The following ARCN1 variants were observed in gnomAD, a reference collection of about 807,000 sequenced individuals.
ARCN1 encodes the protein coatomer subunit delta.
A neutral mutation model predicts 60.4 loss-of-function variants in ARCN1; 5 were observed. That is an observed-to-expected ratio of 0.08 (90% CI 0.04 to 0.17). The LOEUF (loss-of-function observed/expected upper bound fraction) is 0.17, where lower values mean the gene tolerates loss of function less well. Among genes scored for constraint, ARCN1 ranks in the 10% least tolerant of loss-of-function variants. The pLI is 1.00. For missense variants in ARCN1, 464 were observed against 626.5 expected (o/e 0.74, Z 2.77); for synonymous variants, 224 against 220.0 (o/e 1.02, Z -0.16).
chr11:118,600,319 A>T (rs1939120878), intron 9 of ARCN1, among the ~76,000 whole-genome samples: 2 of 152,190 alleles, frequency 1.3e-5, no homozygotes. Context: ...AATGTCTATG[A>T]ATTTCATAGG....
rs1939152560 is a variant in ARCN1, at chr11:118,601,708, G to A, written c.*994G>A. 1.4e-6 allele frequency: 1 copy of A among 702,822 alleles called. No homozygotes were observed. The allele number at this position is 702,822 out of a possible 1,614,324, so 43.5% of individuals were successfully genotyped here. On this transcript the variant is annotated 3_prime_UTR_variant, in exon 10 of 10. Coordinates refer to ENST00000264028, the MANE Select transcript of ARCN1 (RefSeq NM_001655.5). The stretch of plus-strand genomic sequence containing the variant: ...TCTTTGCCAAGTTGTTTTCCTTTCA[G>A]GGCCTGTCCTTCCAGTTTAGAACAG...
chr11:118,598,028 T>C, intron 9 of ARCN1, 117 bp downstream of exon 9: 1 of 894,234 alleles, frequency 1.1e-6, no homozygotes, highest in Non-Finnish European at 1.7e-6. Flanking sequence ...AGAAAAAAAC[T>C]GATGTCTCCT....
chr11:118,584,427 T>G, intron 4 of ARCN1, 53 bp from the exon 5 acceptor site: 1 of 1,532,712 alleles, frequency 6.5e-7, no homozygotes, highest in Non-Finnish European at 8.8e-7. Context: ...TCAGATCATG[T>G]GTGCTTGTAA....
intron 2 of ARCN1, among the ~76,000 whole-genome samples, chr11:118,582,749 C>T (rs1555074852): frequency 7.5e-6 from 1 of 132,732 alleles, no homozygotes. Flanking sequence ...AAAAAAAAAT[C>T]AGGGAGTTAG....
chr11:118,591,738 G>GT (rs543309206), intron 6 of ARCN1, among the ~76,000 whole-genome samples: 23,995 of 140,018 alleles, frequency 0.17, 2,488 homozygotes, highest in East Asian at 0.5. Flanking sequence ...TCTTTTTTTT[G>GT]TTTTTTTTTT....
chr11:118,587,700 G>C (rs547738050), intron 5 of ARCN1, among the ~76,000 whole-genome samples: 2 of 152,172 alleles, frequency 1.3e-5, no homozygotes, highest in Non-Finnish European at 2.9e-5. Flanking sequence ...ATTCAATTCT[G>C]ATGCTATCTA....
intron 1 of ARCN1, among the ~76,000 whole-genome samples, chr11:118,580,128 G>A (rs1371158828): frequency 1.3e-5 from 2 of 152,144 alleles, no homozygotes; most frequent in African/African-American, 2.4e-5. Flanking sequence ...TTCAAGACCA[G>A]CCTGGGCAAC....
chr11:118,596,883 T>A (rs1307401809), intron 8 of ARCN1, among the ~76,000 whole-genome samples: 4 of 152,238 alleles, frequency 2.6e-5, no homozygotes, highest in Non-Finnish European at 5.9e-5. Context: ...TGGTGTCAAC[T>A]TCAATAAGTT....
At chr11:118,594,732 T>C (rs1341553461) in intron 8 of ARCN1, among the ~76,000 whole-genome samples, 1 of 151,904 alleles carries the variant, frequency 6.6e-6, no homozygotes, top group African/African-American at 2.4e-5. Context: ...GTATTATTAG[T>C]AGAGACGGGG....
rs1555076470 is a variant in ARCN1 at position 118,592,573 on chromosome 11, T to G, written c.985-136T>G. The G allele has an allele frequency of 2.0e-5, 12 of 593,772 alleles. No homozygotes were observed. In the South Asian group the frequency reaches 4.9e-4, roughly 24 times the overall value. The allele number at this position is 593,772 out of a possible 1,614,324, so 36.8% of individuals were successfully genotyped here. On this transcript the variant is annotated intron_variant, in intron 6 of 9. Transcript: ENST00000264028. The stretch of plus-strand genomic sequence containing the variant: ...TAAGTCTTTGAAGAAGGGAAATCTT[T>G]CTTCAAAATGAAAAAGAATTGGAAT...
intron 1 of ARCN1, among the ~76,000 whole-genome samples, chr11:118,578,157 C>T (rs1386454217): frequency 1.4e-5 from 2 of 141,216 alleles, no homozygotes; most frequent in Non-Finnish European, 3.0e-5. Context: ...GTGAGACACT[C>T]TCTCAAAAAA....
chr11:118,584,455 A>G (rs2135543498), intron 4 of ARCN1, 25 bp from the exon 5 acceptor site: 2 of 1,591,090 alleles, frequency 1.3e-6, no homozygotes, highest in Middle Eastern at 1.7e-4. Flanking sequence ...CCTTTGGGTA[A>G]TGAATTTCAA....
intron 6 of ARCN1, among the ~76,000 whole-genome samples, chr11:118,591,898 CTATT>C (rs1184197221): frequency 2.2e-4 from 33 of 151,530 alleles, no homozygotes; most frequent in East Asian, 1.2e-3. Context: ...CCACACCCAG[CTATT>C]TATTTATTTA....
chr11:118,589,949 A>G (rs1423241488), intron 5 of ARCN1, among the ~76,000 whole-genome samples: 3 of 152,094 alleles, frequency 2.0e-5, no homozygotes, highest in Non-Finnish European at 4.4e-5. Flanking sequence ...TAATCATTAG[A>G]CCTTGGAGAA....
At chr11:118,581,967 C>CACACACACACACACACACACACACACACA (rs1591383666) in intron 2 of ARCN1, among the ~76,000 whole-genome samples, 2 of 150,358 alleles carry the variant, frequency 1.3e-5, no homozygotes, top group East Asian at 4.4e-4. Flanking sequence ...CACACACACA[C>CACACACACACACACACACACACACACACA]CTTTTAAGAC....
intron 1 of ARCN1, among the ~76,000 whole-genome samples, chr11:118,580,582 T>C (rs1938628153): frequency 6.6e-6 from 1 of 152,216 alleles, no homozygotes; most frequent in Non-Finnish European, 1.5e-5. Flanking sequence ...ATAGCATATT[T>C]TCACACCTAA....
intron 5 of ARCN1, among the ~76,000 whole-genome samples, 189 bp from the exon 6 acceptor site, chr11:118,590,152 C>T (rs928138067): frequency 6.6e-5 from 10 of 152,126 alleles, no homozygotes; most frequent in African/African-American, 1.7e-4. Flanking sequence ...TGCACCACCA[C>T]GCCTGGCTAA....
At chr11:118,586,735 C>T (rs1279945165) in intron 5 of ARCN1, among the ~76,000 whole-genome samples, 1 of 151,770 alleles carries the variant, frequency 6.6e-6, no homozygotes, top group African/African-American at 2.4e-5. Flanking sequence ...ACCTGTAGTC[C>T]CAGCTACTCA....
intron 1 of ARCN1, among the ~76,000 whole-genome samples, chr11:118,580,220 G>A (rs1938620608): frequency 6.6e-6 from 1 of 152,160 alleles, no homozygotes; most frequent in Non-Finnish European, 1.5e-5. Context: ...CTCCTTTCAG[G>A]GGGCTGAGGC....
Sources: allele counts gnomAD v4.1 joint callset (sites outside exome capture counted in the v4.1 genomes callset), GRCh38; gene constraint gnomAD v4.1.1; transcripts MANE v1.5; gene names NCBI Gene and HGNC (gene_info 2026-07-23, HGNC 2026-07-21).